CSMD1: variants seen among roughly 807,000 people sequenced by gnomAD.
CSMD1 encodes the protein CUB and sushi domain-containing protein 1.
A neutral mutation model predicts 417.5 loss-of-function variants in CSMD1; 213 were observed. The observed-to-expected ratio is 0.51, with a 90% CI of 0.46 to 0.57. The LOEUF (loss-of-function observed/expected upper bound fraction) is 0.57. CSMD1 is among the 20% of genes least tolerant of loss of function. The pLI, the probability that CSMD1 is intolerant of heterozygous loss-of-function variation, is 0.00. For synonymous variants in CSMD1, 2,862 were observed against 1,736.8 expected (o/e 1.65, Z -16.11); for missense variants, 6,923 against 4,529.7 (o/e 1.53, Z -15.17).
intron 1 of CSMD1, among the ~76,000 whole-genome samples, chr8:4,909,366 TC>T: frequency 6.6e-6 from 1 of 152,260 alleles, no homozygotes; most frequent in Non-Finnish European, 1.5e-5. Context: ...GTTATAGAAA[TC>T]CCATTTTATT....
intron 23 of CSMD1, among the ~76,000 whole-genome samples, chr8:3,321,665 C>T (rs865951247): frequency 2.0e-5 from 3 of 152,182 alleles, no homozygotes; most frequent in Non-Finnish European, 4.4e-5. Context: ...CTATATTTAA[C>T]TGGTGCTTAT....
At chr8:4,868,478 C>T (rs143793208) in intron 1 of CSMD1, among the ~76,000 whole-genome samples, 24 of 152,064 alleles carry the variant, frequency 1.6e-4, no homozygotes, top group Admixed American at 7.2e-4. Context: ...TCAGGTGATC[C>T]GCCTGCCTCG....
At chr8:3,682,063 T>C (rs960390273) in intron 7 of CSMD1, among the ~76,000 whole-genome samples, 6 of 152,168 alleles carry the variant, frequency 3.9e-5, no homozygotes, top group African/African-American at 1.4e-4. Context: ...AAGACTTAAA[T>C]GTTAGACCTA....
chr8:3,835,676 C>A (rs536278251), intron 5 of CSMD1, among the ~76,000 whole-genome samples: 1 of 148,076 alleles, frequency 6.8e-6, no homozygotes, highest in Non-Finnish European at 1.5e-5. Context: ...CAAACCTGCA[C>A]ATTGTGCACA....
chr8:4,075,368 T>A (rs914300126), intron 3 of CSMD1, among the ~76,000 whole-genome samples: 1 of 152,166 alleles, frequency 6.6e-6, no homozygotes, highest in Non-Finnish European at 1.5e-5. Context: ...CTGAATTTTT[T>A]TTTGATGCTA....
chr8:4,276,057 G>C (rs1208393857), intron 3 of CSMD1, among the ~76,000 whole-genome samples: 1 of 152,194 alleles, frequency 6.6e-6, no homozygotes, highest in Admixed American at 6.6e-5. Context: ...GTGGAAGACA[G>C]TGTGACGATT....
At chr8:4,096,833 T>G (rs1801038076) in intron 3 of CSMD1, among the ~76,000 whole-genome samples, 1 of 152,204 alleles carries the variant, frequency 6.6e-6, no homozygotes, top group South Asian at 2.1e-4. Flanking sequence ...ATATATTTAA[T>G]GGAGGTGTGT....
intron 5 of CSMD1, among the ~76,000 whole-genome samples, chr8:3,985,517 A>C (rs1396443386): frequency 6.6e-6 from 1 of 152,158 alleles, no homozygotes; most frequent in Non-Finnish European, 1.5e-5. Flanking sequence ...TTCAAGAGCC[A>C]GATACAACGA....
intron 47 of CSMD1, among the ~76,000 whole-genome samples, chr8:3,094,564 A>G (rs1254299622): frequency 6.6e-6 from 1 of 152,184 alleles, no homozygotes; most frequent in African/African-American, 2.4e-5. Context: ...GAAGGTATCC[A>G]TTTCTGTTAC....
intron 3 of CSMD1, among the ~76,000 whole-genome samples, chr8:4,214,046 C>G (rs1372904695): frequency 1.3e-5 from 2 of 152,158 alleles, no homozygotes; most frequent in Non-Finnish European, 2.9e-5. Context: ...AAGGAAAATG[C>G]AAAATGATCA....
intron 5 of CSMD1, among the ~76,000 whole-genome samples, chr8:3,979,255 T>C (rs148638182): frequency 1.3e-5 from 2 of 152,178 alleles, no homozygotes; most frequent in Non-Finnish European, 2.9e-5. Flanking sequence ...GGCATCTTTT[T>C]GTTTTGGGAG....
At chr8:3,621,913 T>C (rs1220771494) in intron 7 of CSMD1, among the ~76,000 whole-genome samples, 2 of 152,026 alleles carry the variant, frequency 1.3e-5, no homozygotes, top group African/African-American at 2.4e-5. Flanking sequence ...ACCAGAAGTG[T>C]ATGCTTATAA....
intron 1 of CSMD1, among the ~76,000 whole-genome samples, chr8:4,799,523 C>G (rs562796529): frequency 1.5e-5 from 2 of 135,614 alleles, no homozygotes; most frequent in Non-Finnish European, 3.1e-5. Context: ...TGCTTGAACC[C>G]AGGAGGCGGA....
At chr8:3,297,094 T>TA (rs1804027824) in intron 25 of CSMD1, among the ~76,000 whole-genome samples, 1 of 152,222 alleles carries the variant, frequency 6.6e-6, no homozygotes, top group Admixed American at 6.5e-5. Flanking sequence ...GAAAGCATCC[T>TA]AGAGCTGGAA....
At chr8:3,158,369 G>A (rs1274763272) in intron 38 of CSMD1, among the ~76,000 whole-genome samples, 2 of 152,074 alleles carry the variant, frequency 1.3e-5, no homozygotes, top group Non-Finnish European at 2.9e-5. Context: ...AGGCCAAAAT[G>A]TCAGCAATAC....
At chr8:4,768,545 C>T (rs532431326) in intron 1 of CSMD1, among the ~76,000 whole-genome samples, 3 of 152,154 alleles carry the variant, frequency 2.0e-5, no homozygotes, top group Admixed American at 6.6e-5. Context: ...TTTGTTTGAG[C>T]CTCTTCTGTA....
At chr8:3,141,191 T>C (rs1427059671) in intron 41 of CSMD1, among the ~76,000 whole-genome samples, 1 of 151,934 alleles carries the variant, frequency 6.6e-6, no homozygotes, top group East Asian at 1.9e-4. Flanking sequence ...GCAGGTGGGA[T>C]GGGAGTACAG....
chr8:4,265,351 T>C (rs1804174853), intron 3 of CSMD1, among the ~76,000 whole-genome samples: 1 of 121,508 alleles, frequency 8.2e-6, no homozygotes, highest in Non-Finnish European at 2.0e-5. Flanking sequence ...GAATGATCTG[T>C]CTCTGCACAG....
At chr8:3,991,830 T>A (rs143969225) in intron 5 of CSMD1, among the ~76,000 whole-genome samples, 1 of 152,306 alleles carries the variant, frequency 6.6e-6, no homozygotes, top group East Asian at 1.9e-4. Flanking sequence ...CTTTGCTTTT[T>A]GGATGGTTGA....
Sources: gnomAD v4.1 joint callset for allele counts (sites outside exome capture counted in the v4.1 genomes callset) on GRCh38, gnomAD v4.1.1 for gene constraint, MANE v1.5 for transcripts, NCBI Gene and HGNC (gene_info 2026-07-23, HGNC 2026-07-21) for gene names.